The following IL13RA1 variants were observed in gnomAD, a reference collection of about 807,000 sequenced individuals.
IL13RA1 encodes the protein interleukin 13 receptor subunit alpha 1, also known as interleukin-13 receptor subunit alpha-1.
In IL13RA1, 14 loss-of-function variants were observed where a neutral mutation model predicts 33.8. That is an observed-to-expected ratio of 0.41 (90% CI 0.27 to 0.65). IL13RA1 has a LOEUF of 0.65. Among genes scored for constraint, IL13RA1 ranks in the 30% least tolerant of loss-of-function variants. The pLI, the probability that IL13RA1 is intolerant of heterozygous loss-of-function variation, is 0.28. For missense variants in IL13RA1, 313 were observed against 327.0 expected (o/e 0.96, Z 0.33); for synonymous variants, 116 against 115.7 (o/e 1.00, Z -0.02).
At chrX:118,745,465 T>C (rs1169709393) in intron 2 of IL13RA1, among the ~76,000 whole-genome samples, 1 of 111,859 alleles carries the variant, frequency 8.9e-6, no homozygotes, top group African/African-American at 3.2e-5. Context: ...CAGAGTACTG[T>C]CTTGACTGGA....
At chrX:118,775,849 G>A (rs2017775595) in intron 9 of IL13RA1, among the ~76,000 whole-genome samples, 1 of 111,583 alleles carries the variant, frequency 9.0e-6, no homozygotes, top group Non-Finnish European at 1.9e-5. Context: ...GCGATTTTGT[G>A]CATGAATCTG....
chrX:118,804,419 A>ACACG, the IL13RA1 span, among the ~76,000 whole-genome samples: 1 of 110,160 alleles, frequency 9.1e-6, no homozygotes, highest in Non-Finnish European at 1.9e-5. Context: ...ACACACACAC[A>ACACG]CACACACACA....
chrX:118,736,038 C>T (rs1268422171), intron 1 of IL13RA1, among the ~76,000 whole-genome samples: 1 of 111,363 alleles, frequency 9.0e-6, no homozygotes, highest in Non-Finnish European at 1.9e-5. Context: ...TTTCTTCTGC[C>T]TGCTCAAATC....
chrX:118,749,533 G>A (rs2017447359), intron 3 of IL13RA1, 125 bp from the exon 4 acceptor site: 1 of 652,379 alleles, frequency 1.5e-6, no homozygotes, highest in African/African-American at 2.2e-5. Flanking sequence ...TGGGGTGAGA[G>A]ATGAAGCATT....
chrX:118,794,538 A>C (rs755559306), downstream of IL13RA1: 1 of 112,224 alleles, frequency 8.9e-6, no homozygotes, highest in Non-Finnish European at 1.9e-5. Context: ...ATGTCACCCA[A>C]ATGTTTTCCT....
intron 1 of IL13RA1, among the ~76,000 whole-genome samples, chrX:118,736,923 C>T (rs1311703960): frequency 8.9e-6 from 1 of 112,911 alleles, no homozygotes; most frequent in South Asian, 3.6e-4. Context: ...CATGCCCAGC[C>T]TCTGTAGTTG....
At chrX:118,732,365 G>A (rs1039670138) in intron 1 of IL13RA1, among the ~76,000 whole-genome samples, 5 of 107,909 alleles carry the variant, frequency 4.6e-5, no homozygotes, top group African/African-American at 6.7e-5. Context: ...GGTTCATGGT[G>A]TATCATATGT....
intron 3 of IL13RA1, among the ~76,000 whole-genome samples, chrX:118,747,589 T>C (rs1453380977): frequency 9.0e-6 from 1 of 111,604 alleles, no homozygotes; most frequent in East Asian, 2.8e-4. Context: ...ATATGCAGGA[T>C]ATATTTGGGA....
In IL13RA1 at chrX:118,791,764, C is replaced by G; in HGVS notation, c.1194C>G (p.His398Gln). Reference protein sequence around the residue: ...MFGDQNDDTLHWKKYDIYEKQ... With the variant: ...MFGDQNDDTLQWKKYDIYEKQ... The stretch of plus-strand genomic sequence containing the variant: ...TGTGTTTTTTTCCTCCCTTCTAGCA[C>G]TGGAAGAAGTACGACATCTATGAGA... The change falls in exon 11 of 11, where the codon CAC (histidine) becomes CAG (glutamine). Residue 398 changes from histidine to glutamine, a missense_variant and splice_region_variant. By Grantham distance (24) the His-to-Gln change is conservative. Coordinates refer to ENST00000371666, the MANE Select transcript of IL13RA1 (RefSeq NM_001560.3). 1 of 945,417 alleles carries G rather than the reference C, an allele frequency of 1.1e-6. No homozygotes were observed. Among genetic ancestry groups the G allele is most frequent in the African/African-American group, 1.9e-5 (1 of 52,136 alleles). The allele number at this position is 945,417 out of a possible 1,213,427, so 77.9% of individuals were successfully genotyped here.
intron 8 of IL13RA1, among the ~76,000 whole-genome samples, chrX:118,769,316 A>G (rs1028513991): frequency 8.9e-6 from 1 of 112,640 alleles, no homozygotes; most frequent in Non-Finnish European, 1.9e-5. Flanking sequence ...GACAGTCTAT[A>G]TGTTAGATGT....
At chrX:118,728,158 C>A (rs1603205512) in intron 1 of IL13RA1, among the ~76,000 whole-genome samples, 1 of 112,656 alleles carries the variant, frequency 8.9e-6, no homozygotes. Flanking sequence ...CGGCGGGGAC[C>A]ACGACCGAAG....
At chrX:118,763,318 A>G (rs1481895424) in intron 6 of IL13RA1, among the ~76,000 whole-genome samples, 1 of 112,685 alleles carries the variant, frequency 8.9e-6, no homozygotes, top group Non-Finnish European at 1.9e-5. Context: ...TATCTTAATA[A>G]GCACTATATC....
intron 1 of IL13RA1, among the ~76,000 whole-genome samples, chrX:118,736,324 G>T (rs2265752): frequency 2.7e-5 from 3 of 110,767 alleles, no homozygotes; most frequent in South Asian, 3.8e-4. Flanking sequence ...TAGTTTCCTG[G>T]TTTTTTTGTT....
chrX:118,735,420 T>G (rs2017270569), intron 1 of IL13RA1, among the ~76,000 whole-genome samples: 1 of 112,217 alleles, frequency 8.9e-6, no homozygotes, highest in African/African-American at 3.2e-5. Flanking sequence ...TTTGAGATCT[T>G]TCTTGTTTCT....
chrX:118,745,552 A>G (rs1166849279), intron 2 of IL13RA1, among the ~76,000 whole-genome samples: 1 of 111,899 alleles, frequency 8.9e-6, no homozygotes, highest in Non-Finnish European at 1.9e-5. Context: ...TTGACTTGGT[A>G]GTTACTTCTC....
chrX:118,770,476 G>C (rs776696154), intron 8 of IL13RA1: 1 of 457,090 alleles, frequency 2.2e-6, no homozygotes, highest in Non-Finnish European at 4.0e-6. Context: ...GCGCTGGCTG[G>C]TCTACGACAA....
At chrX:118,795,206 C>T (rs1406813948), downstream of IL13RA1, among the ~76,000 whole-genome samples, 10 of 62,595 alleles carry the variant, frequency 1.6e-4, no homozygotes, top group Admixed American at 1.4e-3. Flanking sequence ...AGCGAGACTC[C>T]GTCTCAAAAA....
chrX:118,749,579 A>T, intron 3 of IL13RA1, 79 bp from the exon 4 acceptor site: 4 of 972,398 alleles, frequency 4.1e-6, no homozygotes, highest in South Asian at 2.1e-5. Flanking sequence ...CACTCTCATC[A>T]TCCCCATGCC....
the IL13RA1 span, among the ~76,000 whole-genome samples, chrX:118,804,374 A>G: frequency 1.9e-5 from 2 of 104,006 alleles, no homozygotes; most frequent in Admixed American, 2.2e-4. Flanking sequence ...CTTAAAACAG[A>G]AAAAAAACAC....
Sources: allele counts gnomAD v4.1 joint callset (sites outside exome capture counted in the v4.1 genomes callset), GRCh38; gene constraint gnomAD v4.1.1; transcripts MANE v1.5; gene names NCBI Gene and HGNC (gene_info 2026-07-23, HGNC 2026-07-21).